UEVLD: variants seen among roughly 807,000 people sequenced by gnomAD.
The protein encoded by UEVLD is ubiquitin-conjugating enzyme E2 variant 3.
In UEVLD, 47 loss-of-function variants were observed where a neutral mutation model predicts 58.6. That is an observed-to-expected ratio of 0.80 (90% CI 0.63 to 1.02). The LOEUF is 1.02. Among genes scored for constraint, UEVLD ranks in the 50% least tolerant of loss-of-function variants. The pLI, the probability that UEVLD is intolerant of heterozygous loss-of-function variation, is 0.00. For missense variants in UEVLD, 510 were observed against 550.6 expected (o/e 0.93, Z 0.74); for synonymous variants, 197 against 195.3 (o/e 1.01, Z -0.07).
At chr11:18,540,625 G>A (rs144008936) in intron 9 of UEVLD, among the ~76,000 whole-genome samples, 21 of 152,262 alleles carry the variant, frequency 1.4e-4, no homozygotes, top group African/African-American at 4.3e-4. Context: ...ATTCATACGT[G>A]CTCAGTTATG....
chr11:18,578,041 C>A (rs1362197855), intron 2 of UEVLD, among the ~76,000 whole-genome samples: 4 of 152,112 alleles, frequency 2.6e-5, no homozygotes, highest in African/African-American at 7.2e-5. Flanking sequence ...CCATATCTAA[C>A]CCTTGGAACC....
chr11:18,545,273 A>T (rs1274165707), intron 8 of UEVLD, among the ~76,000 whole-genome samples: 2 of 151,674 alleles, frequency 1.3e-5, no homozygotes, highest in Non-Finnish European at 2.9e-5. Flanking sequence ...GGGTTTCACC[A>T]TGTTGGCCAG....
intron 6 of UEVLD, among the ~76,000 whole-genome samples, chr11:18,561,279 A>G (rs1353917554): frequency 1.3e-5 from 2 of 152,150 alleles, no homozygotes; most frequent in African/African-American, 4.8e-5. Flanking sequence ...AACAGTACCT[A>G]AACAAAGGGT....
intron 7 of UEVLD, among the ~76,000 whole-genome samples, chr11:18,555,923 T>C (rs1851736827): frequency 6.6e-6 from 1 of 152,106 alleles, no homozygotes; most frequent in African/African-American, 2.4e-5. Context: ...CACTCCAGCT[T>C]GGACCACAGA....
chr11:18,534,449 T>C lies in UEVLD; in HGVS notation c.1129A>G (p.Met377Val), dbSNP rs1016662755. The change falls in exon 11 of 12, where the codon ATG becomes GTG. Residue 377 changes from methionine (M) to valine (V), a missense_variant. Met to Val is a conservative substitution (Grantham distance 21). Transcript: ENST00000396197. ...TGACCTTTTACTCTTAGCAGTTCCA[T>C]GGCTCTAGGTTACAAAAATACGTGA... ...TSQVQLSNRA[M>V]ELLRVKGQRS... 1.9e-6 allele frequency: 3 copies of C among 1,563,062 alleles called. No individual in the cohort carries two copies. The highest frequency in any genetic ancestry group is 2.5e-5 in the South Asian group (2 of 79,956).
At chr11:18,533,187 C>T (rs1850647334) in intron 11 of UEVLD, among the ~76,000 whole-genome samples, 1 of 151,786 alleles carries the variant, frequency 6.6e-6, no homozygotes, top group Non-Finnish European at 1.5e-5. Context: ...GCCACCACAC[C>T]CAGCTTCTTC....
intron 10 of UEVLD, among the ~76,000 whole-genome samples, chr11:18,534,807 A>G (rs1850721196): frequency 6.6e-6 from 1 of 152,264 alleles, no homozygotes; most frequent in Non-Finnish European, 1.5e-5. Context: ...CATTCTCATA[A>G]CTGCTATTGA....
chr11:18,535,006 A>C (rs1850730387), intron 10 of UEVLD, among the ~76,000 whole-genome samples: 1 of 152,258 alleles, frequency 6.6e-6, no homozygotes, highest in Non-Finnish European at 1.5e-5. Context: ...GCGTAGTACC[A>C]TGTAGCTTTT....
chr11:18,552,491 G>A (rs1465000646), intron 7 of UEVLD, among the ~76,000 whole-genome samples: 1 of 152,134 alleles, frequency 6.6e-6, no homozygotes, highest in Admixed American at 6.6e-5. Context: ...AGGTGGCAGT[G>A]AGCCGAGATG....
chr11:18,560,136 CACAG>C (rs57008665), intron 6 of UEVLD, among the ~76,000 whole-genome samples: 3,515 of 79,418 alleles, frequency 0.044, 205 homozygotes, highest in African/African-American at 0.15. Context: ...CACACACACA[CACAG>C]AGAGAGAAAG....
chr11:18,565,665 T>A (rs1590352322), intron 5 of UEVLD, among the ~76,000 whole-genome samples: 1 of 151,676 alleles, frequency 6.6e-6, no homozygotes, highest in South Asian at 2.1e-4. Flanking sequence ...CTCATTCTTA[T>A]CAAAAATACA....
In UEVLD at chr11:18,550,137, A is replaced by G. The variant is rs549652967; in HGVS notation, c.716-3087T>C. Among the ~76,000 whole-genome samples, 71 of 152,136 alleles carry G rather than the reference A, an allele frequency of 4.7e-4. 2 individuals are homozygous for G. The South Asian group carries it at 0.014, about 30-fold the overall frequency. ...GTGCCCGGCCTCCTTTGAGTTTAAA[A>G]GCCAGTATTTCTTATATTTTAAAGT... On this transcript the variant is annotated intron_variant, in intron 7 of 11. Coordinates refer to ENST00000396197, the MANE Select transcript of UEVLD (RefSeq NM_001040697.4).
chr11:18,546,788 T>C lies in UEVLD; in HGVS notation c.886+92A>G, dbSNP rs1851318876. 7.7e-6 allele frequency: 11 copies of C among 1,437,290 alleles called. No homozygotes were observed. In the South Asian group the frequency reaches 1.4e-4, roughly 18 times the overall value. The allele number at this position is 1,437,290 out of a possible 1,614,324, so 89.0% of individuals were successfully genotyped here. On this transcript the variant is annotated intron_variant, in intron 8 of 11. Transcript: ENST00000396197. ...TTGGGATTACTGGTGTGAGCCACTGTGCCAGGCCCTAAAGTTTTATGGTTT... is the reference window on the plus strand; with the variant it reads ...TTGGGATTACTGGTGTGAGCCACTGCGCCAGGCCCTAAAGTTTTATGGTTT...
intron 7 of UEVLD, among the ~76,000 whole-genome samples, chr11:18,547,467 G>A (rs959326647): frequency 4.6e-5 from 7 of 152,166 alleles, no homozygotes; most frequent in Admixed American, 1.3e-4. Flanking sequence ...GAGGTTCAGT[G>A]AGCTGAGATC....
intron 11 of UEVLD, among the ~76,000 whole-genome samples, chr11:18,533,865 G>C (rs564557818): frequency 6.6e-6 from 1 of 152,274 alleles, no homozygotes; most frequent in African/African-American, 2.4e-5. Flanking sequence ...TGTTAGCCAG[G>C]CTGGTCTCAA....
intron 7 of UEVLD, among the ~76,000 whole-genome samples, chr11:18,556,756 T>A (rs1400803359): frequency 6.6e-6 from 1 of 152,114 alleles, no homozygotes; most frequent in Non-Finnish European, 1.5e-5. Context: ...TCTATACTAA[T>A]ATGTTACGTA....
intron 1 of UEVLD, 105 bp from the exon 2 acceptor site, chr11:18,578,913 G>C (rs1243019647): frequency 2.8e-6 from 2 of 726,116 alleles, no homozygotes; most frequent in African/African-American, 1.8e-5. Context: ...TGTTGCCCAG[G>C]CTGGAATGCA....
intron 7 of UEVLD, among the ~76,000 whole-genome samples, chr11:18,548,994 A>G (rs1851413000): frequency 6.6e-6 from 1 of 152,220 alleles, no homozygotes; most frequent in Non-Finnish European, 1.5e-5. Context: ...ACAATTCCAT[A>G]TGTGTCAAAC....
chr11:18,566,470 T>C lies in UEVLD; in HGVS notation c.370A>G (p.Ile124Val). The change falls in exon 5 of 12, where the codon ATT becomes GTT. Residue 124 changes from isoleucine to valine, a missense_variant. Ile to Val is a conservative substitution (Grantham distance 29, BLOSUM62 3). Coordinates refer to ENST00000396197, the MANE Select transcript of UEVLD (RefSeq NM_001040697.4). ...LQNWSHPKSV[I>V]VGLIKEMIAK... The stretch of plus-strand genomic sequence containing the variant: ...ATCATTTCTTTAATTAATCCAACAA[T>C]GACAGATTTAGGCTGTAGAATACAC... 6.2e-7 allele frequency: 1 copy of C among 1,613,896 alleles called. No individual in the cohort carries two copies. The highest frequency in any genetic ancestry group is 2.2e-5 in the East Asian group (1 of 44,854).
Sources: gnomAD v4.1 joint callset for allele counts (sites outside exome capture counted in the v4.1 genomes callset) on GRCh38, gnomAD v4.1.1 for gene constraint, MANE v1.5 for transcripts, NCBI Gene and HGNC (gene_info 2026-07-23, HGNC 2026-07-21) for gene names.